The following METAP2 variants were observed in gnomAD, a reference collection of about 807,000 sequenced individuals.
METAP2 encodes methionine aminopeptidase 2.
METAP2 carries 25 observed loss-of-function variants against 59.4 expected under a neutral mutation model. The ratio of observed to expected loss-of-function variants is 0.42; its 90% CI spans 0.31 to 0.59. The LOEUF (loss-of-function observed/expected upper bound fraction) is 0.59, where lower values mean the gene tolerates loss of function less well. Ranked by LOEUF, METAP2 falls within the 20% of genes least tolerant of loss-of-function variation. The pLI is 0.16. For synonymous variants in METAP2, 214 were observed against 194.1 expected (o/e 1.10, Z -0.85); for missense variants, 366 against 581.2 (o/e 0.63, Z 3.81).
chr12:95,499,731 C>A (rs753316469), intron 7 of METAP2, among the ~76,000 whole-genome samples: 4 of 151,876 alleles, frequency 2.6e-5, no homozygotes, highest in Non-Finnish European at 4.4e-5. Flanking sequence ...TAAAGAAATA[C>A]CTGAGACTGG....
chr12:95,496,623 G>A (rs1241324006), intron 7 of METAP2, among the ~76,000 whole-genome samples: 5 of 151,788 alleles, frequency 3.3e-5, no homozygotes, highest in Non-Finnish European at 5.9e-5. Context: ...ATAATGACAC[G>A]CATCTACCAT....
At chr12:95,484,290 C>T (rs963503035) in intron 3 of METAP2, among the ~76,000 whole-genome samples, 4 of 151,938 alleles carry the variant, frequency 2.6e-5, no homozygotes, top group Non-Finnish European at 4.4e-5. Context: ...GATCCTTCCA[C>T]TCTAAGAAGA....
At chr12:95,496,188 G>C (rs530798753) in intron 7 of METAP2, 90 bp downstream of exon 7, 7 of 740,838 alleles carry the variant, frequency 9.4e-6, no homozygotes, top group East Asian at 2.6e-5. Context: ...CACTTTTAAG[G>C]CCTGTTTAAG....
intron 8 of METAP2, among the ~76,000 whole-genome samples, chr12:95,505,302 A>G (rs1293763604): frequency 1.3e-5 from 2 of 152,054 alleles, no homozygotes; most frequent in Non-Finnish European, 2.9e-5. Flanking sequence ...GTCCTCTTTC[A>G]TGTCTAAATA....
At chr12:95,507,960 T>C (rs2140164460) in intron 8 of METAP2, among the ~76,000 whole-genome samples, 1 of 150,696 alleles carries the variant, frequency 6.6e-6, no homozygotes, top group African/African-American at 2.4e-5. Flanking sequence ...TTTTTTTTTT[T>C]TTAGTAGATG....
rs962854829 is a variant in METAP2 at position 95,502,645 on chromosome 12, G to C, written c.868-1420G>C. Among the ~76,000 whole-genome samples, 4 of 151,924 alleles carry C rather than the reference G, an allele frequency of 2.6e-5. No homozygotes were observed. The East Asian group carries it at 7.7e-4, about 29-fold the overall frequency. The stretch of plus-strand genomic sequence containing the variant: ...TTTCATCAAATTTGGGGAGTTTCCA[G>C]TCATTACTTTTTCAATTATTGTTTA... On this transcript the variant is annotated intron_variant, in intron 7 of 10. Coordinates refer to ENST00000323666, the MANE Select transcript of METAP2 (RefSeq NM_006838.4).
intron 4 of METAP2, among the ~76,000 whole-genome samples, chr12:95,489,251 G>GA (rs142478507): frequency 3.3e-5 from 5 of 151,994 alleles, no homozygotes; most frequent in Non-Finnish European, 7.4e-5. Flanking sequence ...TTTAATACAT[G>GA]AAAAAAATGA....
intron 8 of METAP2, among the ~76,000 whole-genome samples, chr12:95,510,586 A>G (rs990766553): frequency 1.3e-5 from 2 of 152,132 alleles, no homozygotes; most frequent in African/African-American, 2.4e-5. Context: ...CCACCTCCCA[A>G]CACCATCACA....
chr12:95,477,191 G>A (rs556610388), intron 2 of METAP2, among the ~76,000 whole-genome samples: 1 of 151,788 alleles, frequency 6.6e-6, no homozygotes, highest in South Asian at 2.1e-4. Flanking sequence ...GCGACCTCCC[G>A]AGCTCAAGCA....
At chr12:95,513,220 T>C (rs301029) in intron 10 of METAP2, among the ~76,000 whole-genome samples, 97,258 of 151,910 alleles carry the variant, frequency 0.64, 32,250 homozygotes, top group African/African-American at 0.81. Context: ...TTAATATTTT[T>C]CCATTGGTAA....
chr12:95,481,263 T>G (rs754499343), intron 2 of METAP2, among the ~76,000 whole-genome samples: 11 of 152,102 alleles, frequency 7.2e-5, no homozygotes, highest in Non-Finnish European at 1.6e-4. Flanking sequence ...TAAAAAACAT[T>G]AGCCAGGTAT....
chr12:95,506,453 C>T (rs1415664136), intron 8 of METAP2, among the ~76,000 whole-genome samples: 3 of 151,894 alleles, frequency 2.0e-5, no homozygotes, highest in African/African-American at 4.8e-5. Flanking sequence ...TGCGCCACTA[C>T]ACCCAGCTAA....
intron 3 of METAP2, chr12:95,483,547 A>C (rs990203316): frequency 1.6e-5 from 5 of 313,644 alleles, no homozygotes; most frequent in Non-Finnish European, 2.3e-5. Flanking sequence ...GAAGTTGCTT[A>C]AGGTCCTGAT....
chr12:95,495,209 G>A (rs2076267881), intron 6 of METAP2, 71 bp downstream of exon 6: 16 of 1,336,890 alleles, frequency 1.2e-5, no homozygotes, highest in Non-Finnish European at 1.7e-5. Context: ...GTTAAATGGA[G>A]TGATAAATAC....
At chr12:95,499,537 C>T (rs1336697888) in intron 7 of METAP2, among the ~76,000 whole-genome samples, 2 of 150,058 alleles carry the variant, frequency 1.3e-5, no homozygotes, top group Non-Finnish European at 1.5e-5. Flanking sequence ...GTTTGTCTAT[C>T]TAGGATGTCT....
At chr12:95,496,985 C>T (rs557862151) in intron 7 of METAP2, among the ~76,000 whole-genome samples, 53 of 151,876 alleles carry the variant, frequency 3.5e-4, no homozygotes, top group African/African-American at 1.2e-3. Context: ...CAACCACTCC[C>T]GGCTGATTTT....
At chr12:95,511,556 G>A (rs1018532001) in intron 8 of METAP2, among the ~76,000 whole-genome samples, 2 of 151,664 alleles carry the variant, frequency 1.3e-5, no homozygotes, top group African/African-American at 2.4e-5. Flanking sequence ...CACACCCAGC[G>A]AATTTTTGTA....
At chr12:95,475,175 T>C in intron 1 of METAP2, among the ~76,000 whole-genome samples, 1 of 152,240 alleles carries the variant, frequency 6.6e-6, no homozygotes, top group East Asian at 1.9e-4. Context: ...TAAAAATTAT[T>C]TTTACTTGTT....
chr12:95,474,983 C>G (rs1474104989), intron 1 of METAP2, among the ~76,000 whole-genome samples: 1 of 152,064 alleles, frequency 6.6e-6, no homozygotes, highest in Non-Finnish European at 1.5e-5. Flanking sequence ...ATTATGATAC[C>G]AATTGCAGGC....
Sources: allele counts gnomAD v4.1 joint callset (sites outside exome capture counted in the v4.1 genomes callset), GRCh38; gene constraint gnomAD v4.1.1; transcripts MANE v1.5; gene names NCBI Gene and HGNC (gene_info 2026-07-23, HGNC 2026-07-21).